TPTE2: variants seen among roughly 807,000 people sequenced by gnomAD.
The protein encoded by TPTE2 is phosphatidylinositol 3,4,5-trisphosphate 3-phosphatase TPTE2.
TPTE2 carries 53 observed loss-of-function variants against 78.6 expected under a neutral mutation model. That is an observed-to-expected ratio of 0.67 (90% CI 0.54 to 0.85). The LOEUF (loss-of-function observed/expected upper bound fraction) is 0.85. TPTE2 is among the 40% of genes least tolerant of loss of function. TPTE2 has a pLI of 0.00. For synonymous variants in TPTE2, 175 were observed against 206.2 expected, an observed-to-expected ratio of 0.85 and a Z score of 1.30; for missense variants, 461 against 623.0, an observed-to-expected ratio of 0.74 and a Z score of 2.77.
chr13:19,553,590 A>C, the TPTE2 span, among the ~76,000 whole-genome samples: 1 of 152,258 alleles, frequency 6.6e-6, no homozygotes, highest in Admixed American at 6.5e-5. Flanking sequence ...AATGTGATAC[A>C]TTCATACAAT....
At chr13:19,478,452 C>T (rs1265003501) in intron 4 of TPTE2, among the ~76,000 whole-genome samples, 1 of 152,172 alleles carries the variant, frequency 6.6e-6, no homozygotes, top group Non-Finnish European at 1.5e-5. Context: ...AAATCAAAAC[C>T]ACAATGACAT....
At chr13:19,443,564 G>A (rs1199876260) in intron 13 of TPTE2, among the ~76,000 whole-genome samples, 3 of 151,860 alleles carry the variant, frequency 2.0e-5, no homozygotes, top group African/African-American at 7.3e-5. Flanking sequence ...CACCACACCT[G>A]GCAAATTTTT....
intron 1 of TPTE2, 79 bp from the exon 5 acceptor site, chr13:19,493,580 C>G: frequency 7.7e-7 from 1 of 1,291,526 alleles, no homozygotes; most frequent in Non-Finnish European, 1.1e-6. Flanking sequence ...CCTTTCATTA[C>G]TCTAGACAGA....
At position 19,461,364 on chromosome 13, in the gene TPTE2, T is replaced by G. The variant is rs1373143647; in HGVS notation, c.741+3092A>C. 2.0e-5 allele frequency among the ~76,000 whole-genome samples: 3 copies of G among 152,180 alleles called. No individual in the cohort carries two copies. In the East Asian group the frequency reaches 5.8e-4, roughly 29 times the overall value. On this transcript the variant is annotated intron_variant, in intron 10 of 19. Transcript: ENST00000400230. ...GATATCTCAATACTTGCATACAATGTGTAATGATCAAATCAGGATAGTCAG... is the reference window on the plus strand; with the variant it reads ...GATATCTCAATACTTGCATACAATGGGTAATGATCAAATCAGGATAGTCAG...
At chr13:19,487,982 C>T (rs1018927406) in intron 3 of TPTE2, among the ~76,000 whole-genome samples, 1 of 152,156 alleles carries the variant, frequency 6.6e-6, no homozygotes, top group African/African-American at 2.4e-5. Context: ...CTTCTGCTTA[C>T]CTTCACCCTG....
intron 1 of TPTE2, among the ~76,000 whole-genome samples, chr13:19,502,644 G>A (rs1056141209): frequency 7.1e-6 from 1 of 140,554 alleles, no homozygotes; most frequent in Non-Finnish European, 1.5e-5. Flanking sequence ...TCTGGGGACT[G>A]TTGTGGGGTA....
At chr13:19,547,877 A>G in the TPTE2 span, among the ~76,000 whole-genome samples, 1 of 151,534 alleles carries the variant, frequency 6.6e-6, no homozygotes, top group Non-Finnish European at 1.5e-5. Flanking sequence ...TCAGAAAAAA[A>G]GAAGAGAAAT....
intron 3 of TPTE2, among the ~76,000 whole-genome samples, chr13:19,485,361 G>C (rs1378722862): frequency 2.6e-5 from 4 of 151,792 alleles, no homozygotes; most frequent in South Asian, 2.1e-4. Flanking sequence ...TTTTCTTTCA[G>C]AACTTCGAAT....
the TPTE2 span, among the ~76,000 whole-genome samples, chr13:19,554,634 A>G: frequency 6.6e-6 from 1 of 152,114 alleles, no homozygotes; most frequent in South Asian, 2.1e-4. Flanking sequence ...CTAAGAACAC[A>G]ATTTCTGGGT....
At chr13:19,472,897 C>T (rs1879711334) in intron 6 of TPTE2, among the ~76,000 whole-genome samples, 1 of 152,206 alleles carries the variant, frequency 6.6e-6, no homozygotes, top group Non-Finnish European at 1.5e-5. Context: ...GTGATCTAAG[C>T]TCTATCTGCT....
intron 15 of TPTE2, among the ~76,000 whole-genome samples, chr13:19,434,156 CT>C (rs1224984127): frequency 6.6e-6 from 1 of 152,194 alleles, no homozygotes; most frequent in Non-Finnish European, 1.5e-5. Context: ...AAGCCACGGG[CT>C]TTGCCTTTAA....
chr13:19,560,882 C>A, the TPTE2 span: 1 of 1,572,138 alleles, frequency 6.4e-7, no homozygotes, highest in South Asian at 1.2e-5. Flanking sequence ...CTTGCGTCTC[C>A]GCTTGGTGAT....
At chr13:19,537,883 G>A (rs1871299789), upstream of TPTE2, among the ~76,000 whole-genome samples, 2 of 152,154 alleles carry the variant, frequency 1.3e-5, no homozygotes, top group African/African-American at 2.4e-5. Flanking sequence ...GGGATTACAG[G>A]TGTGAGCCAC....
At chr13:19,495,250 G>A (rs1194467046) in intron 1 of TPTE2, among the ~76,000 whole-genome samples, 1 of 152,174 alleles carries the variant, frequency 6.6e-6, no homozygotes, top group Non-Finnish European at 1.5e-5. Context: ...GTGGGTATGG[G>A]CAAAGGCAGT....
chr13:19,441,961 A>G (rs1270892522), intron 13 of TPTE2, among the ~76,000 whole-genome samples: 3 of 152,338 alleles, frequency 2.0e-5, no homozygotes, highest in Non-Finnish European at 4.4e-5. Context: ...TACTAAAAAC[A>G]TAGAAAAGGA....
At chr13:19,504,259 T>A (rs2137676891), upstream of TPTE2, among the ~76,000 whole-genome samples, 1 of 152,260 alleles carries the variant, frequency 6.6e-6, no homozygotes, top group Non-Finnish European at 1.5e-5. Context: ...TGGTGGTTTA[T>A]TTCAAATTCA....
At chr13:19,511,146 G>A (rs1479958325) in intron 1 of TPTE2, among the ~76,000 whole-genome samples, 4 of 152,154 alleles carry the variant, frequency 2.6e-5, no homozygotes, top group Admixed American at 1.3e-4. Flanking sequence ...GGTCTATAGG[G>A]GTCTGGCATA....
In TPTE2 at chr13:19,522,624, T is replaced by C. The variant is rs559950669; in HGVS notation, c.-44+13972A>G. ...GTTTTCCTTACTTTTTTTTTCTTTTTTTTTTTTTTTTTCTTTTAGATGGAG... is the reference window on the plus strand; with the variant it reads ...GTTTTCCTTACTTTTTTTTTCTTTTCTTTTTTTTTTTTCTTTTAGATGGAG... On this transcript the variant is annotated intron_variant, in intron 1 of 17. Coordinates refer to the TPTE2 transcript ENST00000390680. Among the ~76,000 whole-genome samples, 11 of 148,004 alleles carry C rather than the reference T, an allele frequency of 7.4e-5. No individual in the cohort carries two copies. The East Asian group carries it at 2.2e-3, about 29-fold the overall frequency.
chr13:19,496,337 C>G (rs750754233), intron 1 of TPTE2, among the ~76,000 whole-genome samples: 11 of 152,246 alleles, frequency 7.2e-5, no homozygotes, highest in African/African-American at 2.7e-4. Context: ...CCAAAACTCT[C>G]TACCACTGGA....
Sources: gnomAD v4.1 joint callset for allele counts (sites outside exome capture counted in the v4.1 genomes callset) on GRCh38, gnomAD v4.1.1 for gene constraint, MANE v1.5 for transcripts, NCBI Gene and HGNC (gene_info 2026-07-23, HGNC 2026-07-21) for gene names.